MAN1A1: variants seen among roughly 807,000 people sequenced by gnomAD.
MAN1A1 encodes mannosidase alpha class 1A member 1, also known as mannosyl-oligosaccharide 1,2-alpha-mannosidase IA.
MAN1A1 carries 29 observed loss-of-function variants against 70.8 expected under a neutral mutation model. That is an observed-to-expected ratio of 0.41 (90% CI 0.31 to 0.56). The LOEUF (loss-of-function observed/expected upper bound fraction) is 0.56. Among genes scored for constraint, MAN1A1 ranks in the 20% least tolerant of loss-of-function variants. MAN1A1 has a pLI of 0.29. For missense variants in MAN1A1, 747 were observed against 841.3 expected, an observed-to-expected ratio of 0.89 and a Z score of 1.39; for synonymous variants, 349 against 330.1, an observed-to-expected ratio of 1.06 and a Z score of -0.62.
intron 5 of MAN1A1, among the ~76,000 whole-genome samples, chr6:119,267,609 A>G (rs1364275609): frequency 6.6e-6 from 1 of 152,198 alleles, no homozygotes; most frequent in Non-Finnish European, 1.5e-5. Context: ...CACATGCCAT[A>G]GTAAGCAGCA....
intron 6 of MAN1A1, among the ~76,000 whole-genome samples, chr6:119,228,003 A>C (rs965314835): frequency 6.6e-6 from 1 of 152,178 alleles, no homozygotes. Flanking sequence ...AGGAAACCAA[A>C]ACTTTTTAAA....
intron 6 of MAN1A1, among the ~76,000 whole-genome samples, chr6:119,222,126 C>G (rs1774379138): frequency 6.6e-6 from 1 of 152,064 alleles, no homozygotes; most frequent in African/African-American, 2.4e-5. Context: ...ATTCAAACTT[C>G]CCCAACTGAC....
At chr6:119,193,288 TG>T (rs1773487965) in intron 9 of MAN1A1, among the ~76,000 whole-genome samples, 1 of 152,174 alleles carries the variant, frequency 6.6e-6, no homozygotes, top group South Asian at 2.1e-4. Context: ...AAAGAATCTT[TG>T]ATACTATTAA....
rs770266303 is a variant in MAN1A1, at chr6:119,349,222, G to T, written c.-157C>A. 2.1e-4 allele frequency: 249 copies of T among 1,214,102 alleles called. No homozygotes were observed. Among genetic ancestry groups the T allele is most frequent in the Non-Finnish European group, 2.5e-4 (243 of 977,188 alleles). The allele number at this position is 1,214,102 out of a possible 1,614,324, so 75.2% of individuals were successfully genotyped here. On this transcript the variant is annotated 5_prime_UTR_variant, in exon 2 of 13. Transcript: ENST00000368468. ...CTCCCTGGGGGAACAACTCCGCGCC[G>T]GGTCTTCTCCCCGGGGCGGCTCCTC...
intron 6 of MAN1A1, among the ~76,000 whole-genome samples, chr6:119,247,263 C>T (rs923526144): frequency 1.3e-5 from 2 of 152,066 alleles, no homozygotes; most frequent in African/African-American, 4.8e-5. Flanking sequence ...CATCGATGTG[C>T]GTATAGACAT....
At chr6:119,260,976 G>GCTCTTTT (rs1554209499) in intron 5 of MAN1A1, among the ~76,000 whole-genome samples, 14 of 116,940 alleles carry the variant, frequency 1.2e-4, no homozygotes, top group Non-Finnish European at 2.4e-4. Context: ...TTTTTTTATT[G>GCTCTTTT]TTTTTTTTTT....
At chr6:119,240,291 C>T (rs1170186747) in intron 6 of MAN1A1, among the ~76,000 whole-genome samples, 3 of 152,110 alleles carry the variant, frequency 2.0e-5, no homozygotes, top group Non-Finnish European at 4.4e-5. Flanking sequence ...TATTCATATG[C>T]TACAATTTAC....
At chr6:119,222,993 A>G (rs1774406601) in intron 6 of MAN1A1, among the ~76,000 whole-genome samples, 1 of 152,172 alleles carries the variant, frequency 6.6e-6, no homozygotes, top group Non-Finnish European at 1.5e-5. Context: ...ACTGAATTGA[A>G]CCTTTTAAGT....
At chr6:119,185,327 G>A (rs1403432214) in intron 11 of MAN1A1, among the ~76,000 whole-genome samples, 3 of 152,070 alleles carry the variant, frequency 2.0e-5, no homozygotes, top group Admixed American at 6.5e-5. Flanking sequence ...TTGTACTGCT[G>A]GATTATATAC....
intron 5 of MAN1A1, among the ~76,000 whole-genome samples, chr6:119,256,511 A>C (rs1255836277): frequency 6.6e-6 from 1 of 151,372 alleles, no homozygotes; most frequent in African/African-American, 2.4e-5. Flanking sequence ...AAAAATGGGG[A>C]ATGCTGGGAA....
chr6:119,321,834 G>C (rs1773017372), intron 2 of MAN1A1, among the ~76,000 whole-genome samples: 1 of 152,036 alleles, frequency 6.6e-6, no homozygotes, highest in African/African-American at 2.4e-5. Flanking sequence ...GGCCAGACTG[G>C]TCTTGAACTC....
chr6:119,350,378 T>C (rs1333930781), upstream of MAN1A1: 2 of 245,804 alleles, frequency 8.1e-6, no homozygotes, highest in East Asian at 1.8e-4. Context: ...TTGAGCTCTC[T>C]GGTATAACAT....
At chr6:119,270,767 C>T (rs191674716) in intron 5 of MAN1A1, among the ~76,000 whole-genome samples, 28 of 152,276 alleles carry the variant, frequency 1.8e-4, no homozygotes, top group South Asian at 4.1e-4. Context: ...ATTCTCACCA[C>T]GGCTGCCAGA....
At chr6:119,317,143 T>C (rs746402644) in intron 2 of MAN1A1, among the ~76,000 whole-genome samples, 15 of 152,096 alleles carry the variant, frequency 9.9e-5, no homozygotes, top group Non-Finnish European at 1.9e-4. Flanking sequence ...ACAAAGTTCC[T>C]ATATATCCTC....
chr6:119,196,325 T>TA (rs3839392), intron 8 of MAN1A1, among the ~76,000 whole-genome samples: 36 of 146,780 alleles, frequency 2.5e-4, no homozygotes, highest in South Asian at 1.1e-3. Context: ...AATTTCACAT[T>TA]AAAAAAAAAA....
chr6:119,328,361 G>C (rs1773212335), intron 2 of MAN1A1, among the ~76,000 whole-genome samples: 1 of 152,202 alleles, frequency 6.6e-6, no homozygotes, highest in African/African-American at 2.4e-5. Flanking sequence ...TCACATCCAG[G>C]AAAGGTAGGC....
rs555536645 is a variant in MAN1A1 at position 119,189,985 on chromosome 6, A to G, written c.1327-102T>C. The G allele has an allele frequency of 1.4e-4, 130 of 898,726 alleles. No homozygotes were observed. In the African/African-American group the frequency reaches 2.1e-3, roughly 15 times the overall value. 55.7% of individuals were successfully genotyped at this position (898,726 alleles called of 1,614,324 possible). ...AAAAAAGAATAGAATACACCTGACA[A>G]TCAGAGTTTGGTGTTAAAAATCCAT... On this transcript the variant is annotated intron_variant, in intron 9 of 12. Transcript: ENST00000368468.
intron 5 of MAN1A1, among the ~76,000 whole-genome samples, chr6:119,250,267 C>T (rs1290302490): frequency 6.6e-6 from 1 of 152,138 alleles, no homozygotes; most frequent in African/African-American, 2.4e-5. Context: ...TACATAAGAT[C>T]GAAGTCAAAC....
At chr6:119,310,930 T>C (rs1019072504) in intron 2 of MAN1A1, among the ~76,000 whole-genome samples, 8 of 152,314 alleles carry the variant, frequency 5.3e-5, no homozygotes, top group South Asian at 2.1e-4. Flanking sequence ...TACTTCCCTA[T>C]GTGTACTTGT....
Sources: allele counts gnomAD v4.1 joint callset (sites outside exome capture counted in the v4.1 genomes callset), GRCh38; gene constraint gnomAD v4.1.1; transcripts MANE v1.5; gene names NCBI Gene and HGNC (gene_info 2026-07-23, HGNC 2026-07-21).